The following SLC1A1 variants were observed in gnomAD, a reference collection of about 807,000 sequenced individuals.
SLC1A1 encodes the protein solute carrier family 1 member 1.
Under a neutral mutation model 53.3 loss-of-function variants are expected in SLC1A1, and 43 were observed. The observed-to-expected ratio is 0.81, with a 90% CI of 0.63 to 1.04. SLC1A1 has a LOEUF of 1.04. Ranked by LOEUF, SLC1A1 falls within the 50% of genes least tolerant of loss-of-function variation. The pLI, the probability that SLC1A1 is intolerant of heterozygous loss-of-function variation, is 0.00. For synonymous variants in SLC1A1, 307 were observed against 243.2 expected, an observed-to-expected ratio of 1.26 and a Z score of -2.44; for missense variants, 748 against 664.9, an observed-to-expected ratio of 1.12 and a Z score of -1.37.
In SLC1A1 at chr9:4,577,802, A is replaced by C. The variant is rs555025686; in HGVS notation, c.1193+1039A>C. Among the ~76,000 whole-genome samples the C allele has an allele frequency of 4.6e-5, 7 of 152,330 alleles. No individual in the cohort carries two copies. The South Asian group carries it at 1.4e-3, about 32-fold the overall frequency. ...TTTGCATTTTACAAAGATAAGCAGC[A>C]ATATGGAAGATATATTGGATGGGAG... On this transcript the variant is annotated intron_variant, in intron 10 of 11. Transcript: ENST00000262352.
intron 1 of SLC1A1, among the ~76,000 whole-genome samples, chr9:4,506,436 C>T (rs980689861): frequency 5.3e-5 from 8 of 152,044 alleles, no homozygotes; most frequent in Non-Finnish European, 1.0e-4. Context: ...TTGATATAAC[C>T]TAAGAAAAGA....
chr9:4,527,739 T>C (rs1816314745), intron 1 of SLC1A1, among the ~76,000 whole-genome samples: 2 of 152,162 alleles, frequency 1.3e-5, no homozygotes, highest in Admixed American at 1.3e-4. Context: ...AGTTTGAGTT[T>C]TGAGACCATT....
In SLC1A1 at chr9:4,585,437, T is replaced by G. The variant is rs772392876; in HGVS notation, c.1454T>G (p.Phe485Cys). The change falls in exon 12 of 12, where the codon TTT becomes TGT. Residue 485 changes from phenylalanine (F) to cysteine (C), a missense_variant. Physicochemically the swap from Phe to Cys is radical, Grantham distance 205. Transcript: ENST00000262352. ...VSSEVNIVNP[F>C]ALESTILDNE... ...TCTGAAGTCAACATTGTGAATCCCT[T>G]TGCCTTGGAATCCACAATCCTTGAC... 6.2e-7 allele frequency: 1 copy of G among 1,614,088 alleles called. No individual in the cohort carries two copies. The highest frequency in any genetic ancestry group is 8.5e-7 in the Non-Finnish European group (1 of 1,180,040).
chr9:4,576,680 TG>T lies in SLC1A1; in HGVS notation c.1111del (p.Ala371ArgfsTer14), dbSNP rs1304669989. On this transcript the variant is annotated frameshift_variant, in exon 10 of 12. Coordinates refer to ENST00000262352, the MANE Select transcript of SLC1A1 (RefSeq NM_004170.6). LOFTEE classifies it high-confidence loss of function. ...GTGCAACAATCAACATGGATGGGAC[TG>T]CGCTCTATGAAGCAGTGGCAGCGGT... is the stretch of plus-strand genomic sequence containing the variant. Reference protein sequence around the residue: ...VGATINMDGTALYEAVAAVFI... With the variant: ...VGATINMDGTXLYEAVAAVFI... 1 of 1,613,860 alleles carries T rather than the reference TG, an allele frequency of 6.2e-7. No individual in the cohort carries two copies. The highest frequency in any genetic ancestry group is 8.5e-7 in the Non-Finnish European group (1 of 1,179,930).
intron 1 of SLC1A1, among the ~76,000 whole-genome samples, chr9:4,510,036 G>C (rs1292365044): frequency 6.6e-6 from 1 of 152,054 alleles, no homozygotes; most frequent in Admixed American, 6.6e-5. Flanking sequence ...GTTTTGCTGT[G>C]TTGGCCAGGC....
chr9:4,581,370 G>T (rs4742011), intron 10 of SLC1A1, among the ~76,000 whole-genome samples: 15,189 of 152,186 alleles, frequency 0.1, 1,354 homozygotes, highest in East Asian at 0.45. Flanking sequence ...GCAGGAATAG[G>T]TTTTTATATT....
intron 1 of SLC1A1, among the ~76,000 whole-genome samples, chr9:4,496,100 G>A (rs1436185107): frequency 6.6e-6 from 1 of 152,166 alleles, no homozygotes; most frequent in East Asian, 1.9e-4. Flanking sequence ...TGGGAGAAAA[G>A]GGAGAAGAGA....
chr9:4,499,907 G>C lies in SLC1A1; in HGVS notation c.91+9137G>C, dbSNP rs1460959882. 3.3e-5 allele frequency among the ~76,000 whole-genome samples: 5 copies of C among 152,178 alleles called. No homozygotes were observed. The East Asian group carries it at 9.6e-4, about 29-fold the overall frequency. Reference sequence around the variant, plus strand: ...AAATTTTTGTGTGCAAATTCAGGATGTGGTGGAGCTCAGGTGGGTAAAGCC... The same window carrying C: ...AAATTTTTGTGTGCAAATTCAGGATCTGGTGGAGCTCAGGTGGGTAAAGCC... On this transcript the variant is annotated intron_variant, in intron 1 of 11. Coordinates refer to ENST00000262352, the MANE Select transcript of SLC1A1 (RefSeq NM_004170.6).
intron 1 of SLC1A1, among the ~76,000 whole-genome samples, chr9:4,504,085 G>C (rs1334149268): frequency 2.6e-5 from 4 of 151,698 alleles, no homozygotes; most frequent in African/African-American, 9.7e-5. Flanking sequence ...CCAGACTGGA[G>C]AGCATCTCTG....
rs80238687 is a variant in SLC1A1, at chr9:4,576,688, A to G, written c.1118A>G (p.Tyr373Cys). ...ATCAACATGGATGGGACTGCGCTCT[A>G]TGAAGCAGTGGCAGCGGTGTTTATT... ...ATINMDGTAL[Y>C]EAVAAVFIAQ... The change falls in exon 10 of 12, where the codon TAT becomes TGT. Residue 373 changes from tyrosine (Y) to cysteine (C), a missense_variant. Coordinates refer to ENST00000262352, the MANE Select transcript of SLC1A1 (RefSeq NM_004170.6). The G allele has an allele frequency of 1.2e-6, 2 of 1,614,228 alleles. No homozygotes were observed. The highest frequency in any genetic ancestry group is 1.7e-6 in the Non-Finnish European group (2 of 1,180,032).
intron 1 of SLC1A1, among the ~76,000 whole-genome samples, chr9:4,497,421 G>A (rs1053364770): frequency 3.9e-5 from 6 of 152,080 alleles, no homozygotes; most frequent in African/African-American, 1.4e-4. Flanking sequence ...GAACCCTAAG[G>A]GAAGGACGTT....
At chr9:4,533,124 G>A (rs1377424358) in intron 1 of SLC1A1, among the ~76,000 whole-genome samples, 1 of 152,156 alleles carries the variant, frequency 6.6e-6, no homozygotes, top group Non-Finnish European at 1.5e-5. Flanking sequence ...AAATTGTAAA[G>A]ACCAGAGAGG....
At chr9:4,515,335 T>C (rs1484271227) in intron 1 of SLC1A1, among the ~76,000 whole-genome samples, 3 of 152,152 alleles carry the variant, frequency 2.0e-5, no homozygotes, top group Non-Finnish European at 2.9e-5. Context: ...TATCAGATAT[T>C]CTATAGGCCT....
chr9:4,583,282 C>A lies in SLC1A1; in HGVS notation c.1328+110C>A. On this transcript the variant is annotated intron_variant, in intron 11 of 11. Transcript: ENST00000262352. The surrounding 1 kb of genome is among the most constrained non-coding windows in gnomAD (Gnocchi z 4.6). ...CTCCTCAGATTGCCTAATGAGCCACCTGTTGCTGCTTTAATTTTCCTCTGA... is the reference window on the plus strand; with the variant it reads ...CTCCTCAGATTGCCTAATGAGCCACATGTTGCTGCTTTAATTTTCCTCTGA... 4 of 1,361,972 alleles carry A rather than the reference C, an allele frequency of 2.9e-6. No homozygotes were observed. Among genetic ancestry groups the A allele is most frequent in the Non-Finnish European group, 3.1e-6 (3 of 955,956 alleles). 84.4% of individuals were successfully genotyped at this position (1,361,972 alleles called of 1,614,324 possible). A position where few individuals can be genotyped will look rare whatever the true frequency, so the allele number is the denominator to read the frequency against.
intron 3 of SLC1A1, among the ~76,000 whole-genome samples, chr9:4,562,816 T>C (rs1000962291): frequency 3.3e-5 from 5 of 151,946 alleles, no homozygotes; most frequent in Non-Finnish European, 7.4e-5. Flanking sequence ...CAGTCTATCA[T>C]TGTTGGACAT....
At chr9:4,543,710 G>C (rs913079430) in intron 1 of SLC1A1, among the ~76,000 whole-genome samples, 1 of 152,138 alleles carries the variant, frequency 6.6e-6, no homozygotes, top group Non-Finnish European at 1.5e-5. Flanking sequence ...TAACTGAAAA[G>C]AGTGCAAAAC....
In SLC1A1 at chr9:4,565,196, G is replaced by A. The variant is rs554193915; in HGVS notation, c.440+738G>A. On this transcript the variant is annotated intron_variant, in intron 4 of 11. Coordinates refer to ENST00000262352, the MANE Select transcript of SLC1A1 (RefSeq NM_004170.6). ...TCACTGGCCTTTATTGAGTTTCCAGGTATGTGGCTTAGATTTTATAGAAAC... is the reference window on the plus strand; with the variant it reads ...TCACTGGCCTTTATTGAGTTTCCAGATATGTGGCTTAGATTTTATAGAAAC... 2.9e-3 allele frequency among the ~76,000 whole-genome samples: 440 copies of A among 152,178 alleles called. 1 individual carries two copies. Among genetic ancestry groups the A allele is most frequent in the African/African-American group, 9.9e-3 (412 of 41,512 alleles).
chr9:4,585,245 C>T, intron 11 of SLC1A1, 67 bp from the exon 12 acceptor site: 1 of 1,591,800 alleles, frequency 6.3e-7, no homozygotes. Context: ...CAGGTCCTTG[C>T]ATCTCTCCAG....
rs541476175 is a variant in SLC1A1, at chr9:4,509,924, C to T, written c.91+19154C>T. ...TCTCAGCTCACTGCAACCTCTGCCT[C>T]CCAGGTTCAAGCAATTCTCTTGCCT... is the stretch of plus-strand genomic sequence containing the variant. On this transcript the variant is annotated intron_variant, in intron 1 of 11. Transcript: ENST00000262352. Among the ~76,000 whole-genome samples the T allele has an allele frequency of 2.0e-5, 3 of 152,308 alleles. No individual in the cohort carries two copies. The South Asian group carries it at 6.2e-4, about 32-fold the overall frequency.
Sources: gnomAD v4.1 joint callset for allele counts (sites outside exome capture counted in the v4.1 genomes callset) on GRCh38, gnomAD v4.1.1 for gene constraint, Gnocchi (gnomAD v3.1) non-coding constraint, MANE v1.5 for transcripts, NCBI Gene and HGNC (gene_info 2026-07-23, HGNC 2026-07-21) for gene names.